The following GALNTL6 variants were observed in gnomAD, a reference collection of about 807,000 sequenced individuals.
GALNTL6 encodes the protein polypeptide N-acetylgalactosaminyltransferase like 6, also known as polypeptide N-acetylgalactosaminyltransferase-like 6.
Under a neutral mutation model 73.7 loss-of-function variants are expected in GALNTL6, and 46 were observed. The ratio of observed to expected loss-of-function variants is 0.62; its 90% CI spans 0.49 to 0.80. The LOEUF is 0.80. Among genes scored for constraint, GALNTL6 ranks in the 30% least tolerant of loss-of-function variants. The pLI, the probability that GALNTL6 is intolerant of heterozygous loss-of-function variation, is 0.00. For synonymous variants in GALNTL6, 259 were observed against 263.7 expected (o/e 0.98, Z 0.17); for missense variants, 604 against 755.0 (o/e 0.80, Z 2.34).
At chr4:172,032,106 ATACCTTATTTTTAC>A (rs1741789091) in intron 2 of GALNTL6, among the ~76,000 whole-genome samples, 1 of 152,166 alleles carries the variant, frequency 6.6e-6, no homozygotes, top group South Asian at 2.1e-4. Flanking sequence ...CAAGTATAAG[ATACCTTATTTTTAC>A]TAATGAACTA....
intron 8 of GALNTL6, among the ~76,000 whole-genome samples, chr4:172,924,329 A>G (rs547962189): frequency 2.0e-5 from 3 of 152,296 alleles, no homozygotes; most frequent in Non-Finnish European, 4.4e-5. Flanking sequence ...GGATTCCCGC[A>G]CTTCCGGGCA....
At chr4:172,827,254 A>T (rs998870695) in intron 7 of GALNTL6, among the ~76,000 whole-genome samples, 1 of 152,134 alleles carries the variant, frequency 6.6e-6, no homozygotes, top group Non-Finnish European at 1.5e-5. Context: ...CTCAGAGATG[A>T]GTCCCTTCAC....
intron 10 of GALNTL6, among the ~76,000 whole-genome samples, chr4:172,999,869 C>T (rs1341361895): frequency 6.6e-6 from 1 of 152,032 alleles, no homozygotes; most frequent in Non-Finnish European, 1.5e-5. Flanking sequence ...ATGACAATTA[C>T]ATAACTCTCC....
intron 5 of GALNTL6, among the ~76,000 whole-genome samples, chr4:172,450,522 A>G (rs28608473): frequency 0.022 from 3,358 of 152,296 alleles, 110 homozygotes; most frequent in African/African-American, 0.075. Flanking sequence ...TTCAACGTAC[A>G]GAATCCAAGT....
chr4:172,320,012 A>T (rs941577212), intron 4 of GALNTL6, among the ~76,000 whole-genome samples: 1 of 151,948 alleles, frequency 6.6e-6, no homozygotes, highest in East Asian at 1.9e-4. Context: ...TATTGGCCTC[A>T]CTCCGAATCC....
intron 4 of GALNTL6, among the ~76,000 whole-genome samples, chr4:172,313,120 C>G (rs562510026): frequency 7.1e-6 from 1 of 140,862 alleles, no homozygotes; most frequent in Non-Finnish European, 1.5e-5. Context: ...GTTCCCCCCC[C>G]CACCCCCACA....
chr4:171,969,373 A>T (rs1483526713), intron 2 of GALNTL6, among the ~76,000 whole-genome samples: 2 of 152,236 alleles, frequency 1.3e-5, no homozygotes, highest in African/African-American at 4.8e-5. Flanking sequence ...TGATTCCACA[A>T]GGCCTGAGGC....
At chr4:172,464,130 G>A (rs887281530) in intron 5 of GALNTL6, among the ~76,000 whole-genome samples, 20 of 152,008 alleles carry the variant, frequency 1.3e-4, no homozygotes, top group Middle Eastern at 3.4e-3. Context: ...TGAATTCCTG[G>A]CCTCAAGCAA....
At chr4:172,544,056 G>C (rs1000979356) in intron 5 of GALNTL6, among the ~76,000 whole-genome samples, 4 of 152,174 alleles carry the variant, frequency 2.6e-5, no homozygotes, top group African/African-American at 9.7e-5. Flanking sequence ...TCAACTCAAG[G>C]AGATCGATTT....
At chr4:171,903,201 C>G (rs1014604294) in intron 2 of GALNTL6, among the ~76,000 whole-genome samples, 1 of 152,124 alleles carries the variant, frequency 6.6e-6, no homozygotes, top group Non-Finnish European at 1.5e-5. Context: ...ACACAGAAGA[C>G]AGGTGATTTC....
chr4:171,923,882 A>C (rs72985392), intron 2 of GALNTL6, among the ~76,000 whole-genome samples: 35,803 of 150,786 alleles, frequency 0.24, 4,622 homozygotes, highest in African/African-American at 0.34. Context: ...ACAATAACTT[A>C]AGAATTAGCT....
At chr4:172,256,939 A>G (rs1294653834) in intron 3 of GALNTL6, among the ~76,000 whole-genome samples, 2 of 151,334 alleles carry the variant, frequency 1.3e-5, no homozygotes, top group Admixed American at 6.6e-5. Flanking sequence ...AAAACCTTCC[A>G]AAGCACACTC....
intron 10 of GALNTL6, among the ~76,000 whole-genome samples, chr4:172,962,812 T>G (rs1750144246): frequency 6.6e-6 from 1 of 151,894 alleles, no homozygotes; most frequent in Admixed American, 6.6e-5. Flanking sequence ...AAGGATATGT[T>G]ACAGACCATA....
intron 2 of GALNTL6, among the ~76,000 whole-genome samples, chr4:171,838,508 C>T (rs944646404): frequency 6.6e-6 from 1 of 152,120 alleles, no homozygotes; most frequent in Admixed American, 6.6e-5. Context: ...TCTCCCTTCA[C>T]TCTCTCTCCA....
rs146617453 is a variant in GALNTL6 at position 171,981,916 on chromosome 4, A to T, written c.138+167198A>T. On this transcript the variant is annotated intron_variant, in intron 2 of 12. Coordinates refer to ENST00000506823, the MANE Select transcript of GALNTL6 (RefSeq NM_001034845.3). ...AAAAAATGTAAATATTTATATATAT[A>T]TTTTAACTACAGATCTATTCCTGAA... is the stretch of plus-strand genomic sequence containing the variant. Among the ~76,000 whole-genome samples, 268 of 152,082 alleles carry T rather than the reference A, an allele frequency of 1.8e-3. 5 individuals carry two copies. The East Asian group carries it at 0.042, about 24-fold the overall frequency.
intron 5 of GALNTL6, among the ~76,000 whole-genome samples, chr4:172,654,262 G>A (rs551955416): frequency 2.5e-4 from 38 of 152,272 alleles, no homozygotes; most frequent in African/African-American, 7.7e-4. Context: ...TAGTAGCTCC[G>A]TGGCTGTGCA....
intron 2 of GALNTL6, among the ~76,000 whole-genome samples, chr4:172,143,072 C>A (rs1417496183): frequency 2.0e-5 from 3 of 151,992 alleles, no homozygotes; most frequent in Non-Finnish European, 2.9e-5. Context: ...CTGCCTATTG[C>A]ATGTTGGATA....
intron 2 of GALNTL6, among the ~76,000 whole-genome samples, chr4:172,001,166 A>G (rs1307309500): frequency 1.3e-5 from 2 of 152,170 alleles, no homozygotes; most frequent in Non-Finnish European, 2.9e-5. Flanking sequence ...AATCTGAAAT[A>G]TTTTCCAGAA....
chr4:171,846,892 TTATATGTAATTATATA>T (rs1735386665), intron 2 of GALNTL6, among the ~76,000 whole-genome samples: 1 of 13,330 alleles, frequency 7.5e-5, no homozygotes, highest in Non-Finnish European at 2.0e-4. Flanking sequence ...ATACACATAA[TTATATGTAATTATATA>T]TACATATAAT....
Sources: allele counts gnomAD v4.1 joint callset (sites outside exome capture counted in the v4.1 genomes callset), GRCh38; gene constraint gnomAD v4.1.1; transcripts MANE v1.5; gene names NCBI Gene and HGNC (gene_info 2026-07-23, HGNC 2026-07-21).